CSMD3: variants seen among roughly 807,000 people sequenced by gnomAD.
CSMD3 encodes the protein CUB and sushi domain-containing protein 3.
A neutral mutation model predicts 435.2 loss-of-function variants in CSMD3; 177 were observed. That is an observed-to-expected ratio of 0.41 (90% confidence interval 0.36 to 0.46). The LOEUF is 0.46. CSMD3 is among the 20% of genes least tolerant of loss of function. The probability of loss-of-function intolerance (pLI) is 0.34; values close to 1 mark genes in which losing one functional copy is unlikely to be tolerated. For missense variants in CSMD3, 4,265 were observed against 4,504.6 expected, an observed-to-expected ratio of 0.95 and a Z score of 1.52; for synonymous variants, 1,656 against 1,520.5, an observed-to-expected ratio of 1.09 and a Z score of -2.07.
At chr8:113,039,324 C>T (rs1186935899) in intron 5 of CSMD3, among the ~76,000 whole-genome samples, 1 of 151,926 alleles carries the variant, frequency 6.6e-6, no homozygotes. Context: ...ATTTTAAATG[C>T]TATATAACCT....
chr8:112,476,250 C>G (rs1337285943), intron 31 of CSMD3, among the ~76,000 whole-genome samples: 4 of 152,004 alleles, frequency 2.6e-5, no homozygotes, highest in Admixed American at 1.3e-4. Flanking sequence ...TTTACCATGT[C>G]AGCCAGGCTG....
rs141000924 is a variant in CSMD3 at position 113,373,316 on chromosome 8, T to C, written c.179-58523A>G. Among the ~76,000 whole-genome samples the C allele has an allele frequency of 8.3e-3, 1,263 of 152,282 alleles. 17 individuals are homozygous for C. The highest frequency in any genetic ancestry group is 0.028 in the African/African-American group (1,183 of 41,556). ...AAAAAATAATTTTTCTATTGACTTA[T>C]TTAAAAATAAAATAATTGGTGATGT... On this transcript the variant is annotated intron_variant, in intron 1 of 70. Transcript: ENST00000297405.
intron 32 of CSMD3, among the ~76,000 whole-genome samples, chr8:112,468,817 G>T (rs1473446123): frequency 1.3e-5 from 2 of 152,026 alleles, no homozygotes; most frequent in Admixed American, 1.3e-4. Context: ...AATAAGGAGA[G>T]TAAAATATTA....
intron 27 of CSMD3, among the ~76,000 whole-genome samples, chr8:112,534,467 A>C (rs1324920250): frequency 6.6e-6 from 1 of 152,198 alleles, no homozygotes; most frequent in Admixed American, 6.5e-5. Flanking sequence ...ACACTCTCCC[A>C]AGACTAAACC....
At chr8:112,645,000 C>T in intron 20 of CSMD3, 109 bp downstream of exon 20, 1 of 765,376 alleles carries the variant, frequency 1.3e-6, no homozygotes, top group East Asian at 2.4e-5. Flanking sequence ...TATTGTAGTA[C>T]TGATCTGTTT....
At chr8:113,120,416 G>T (rs745878914) in intron 4 of CSMD3, among the ~76,000 whole-genome samples, 16 of 151,884 alleles carry the variant, frequency 1.1e-4, no homozygotes, top group Non-Finnish European at 2.1e-4. Context: ...TCTAAGCTTA[G>T]TGTCTGTATT....
chr8:112,911,374 C>T (rs998211254), intron 10 of CSMD3, among the ~76,000 whole-genome samples: 1 of 151,750 alleles, frequency 6.6e-6, no homozygotes, highest in Non-Finnish European at 1.5e-5. Context: ...TACCCATCAC[C>T]TCACATACTT....
chr8:113,210,749 G>A (rs942626522), intron 3 of CSMD3, among the ~76,000 whole-genome samples: 1 of 151,704 alleles, frequency 6.6e-6, no homozygotes, highest in African/African-American at 2.4e-5. Flanking sequence ...TGGTAGCAGG[G>A]ACCTGTAATC....
chr8:113,146,283 G>A (rs1439640101), intron 4 of CSMD3, among the ~76,000 whole-genome samples: 2 of 151,376 alleles, frequency 1.3e-5, no homozygotes, highest in Non-Finnish European at 3.0e-5. Flanking sequence ...CATGCTTCAT[G>A]GGGGGTAGGA....
chr8:112,990,556 C>A (rs1312921011), intron 6 of CSMD3, among the ~76,000 whole-genome samples: 2 of 151,560 alleles, frequency 1.3e-5, no homozygotes, highest in South Asian at 2.1e-4. Context: ...AAAACCAGAA[C>A]AATGAATAGG....
intron 59 of CSMD3, among the ~76,000 whole-genome samples, chr8:112,279,953 G>A (rs993853620): frequency 6.6e-6 from 1 of 152,032 alleles, no homozygotes; most frequent in Non-Finnish European, 1.5e-5. Context: ...AACTTTGCAT[G>A]CAATATATTA....
At chr8:113,039,050 A>AT (rs1477037124) in intron 5 of CSMD3, among the ~76,000 whole-genome samples, 1 of 152,084 alleles carries the variant, frequency 6.6e-6, no homozygotes, top group Non-Finnish European at 1.5e-5. Flanking sequence ...TTTAAAGCTG[A>AT]TTTTTATGGT....
chr8:112,314,462 C>G lies in CSMD3; in HGVS notation c.7516G>C (p.Glu2506Gln), dbSNP rs2130836153. Residue 2506 changes from glutamate (E) to glutamine (Q), a missense_variant, in exon 48 of 71, where the codon GAA (glutamate) becomes CAA (glutamine). Glu to Gln is a conservative substitution (Grantham distance 29). Transcript: ENST00000297405. Reference protein sequence around the residue: ...ITMFVEFFQTEKEFDVLQVYD... With the variant: ...ITMFVEFFQTQKEFDVLQVYD... ...ACCTGAAGAACATCAAATTCCTTTT[C>G]TGTCTGGAAGAATTCTACAAACATG... 6.2e-7 allele frequency: 1 copy of G among 1,612,034 alleles called. No individual in the cohort carries two copies. Among genetic ancestry groups the G allele is most frequent in the Non-Finnish European group, 8.5e-7 (1 of 1,178,274 alleles).
At chr8:112,782,509 T>A (rs2078416416) in intron 13 of CSMD3, among the ~76,000 whole-genome samples, 1 of 151,982 alleles carries the variant, frequency 6.6e-6, no homozygotes. Flanking sequence ...GAGAGAAAGA[T>A]CAGGGTAGAA....
At chr8:112,967,733 A>C (rs2084476831) in intron 7 of CSMD3, among the ~76,000 whole-genome samples, 1 of 151,852 alleles carries the variant, frequency 6.6e-6, no homozygotes, top group African/African-American at 2.4e-5. Flanking sequence ...TCCTCACTTG[A>C]ATATAAGTTC....
At chr8:112,474,763 C>T (rs570452293) in intron 31 of CSMD3, among the ~76,000 whole-genome samples, 19 of 152,220 alleles carry the variant, frequency 1.2e-4, no homozygotes, top group South Asian at 8.3e-4. Flanking sequence ...TAGAGCAATA[C>T]AGTATAGTTA....
chr8:112,627,768 G>A (rs548602157), intron 22 of CSMD3, among the ~76,000 whole-genome samples: 3 of 152,202 alleles, frequency 2.0e-5, no homozygotes, highest in African/African-American at 7.2e-5. Flanking sequence ...ATAGGTCAGG[G>A]TCTACTCTGT....
At chr8:112,455,381 G>A (rs1816725711) in intron 32 of CSMD3, among the ~76,000 whole-genome samples, 1 of 152,062 alleles carries the variant, frequency 6.6e-6, no homozygotes, top group Non-Finnish European at 1.5e-5. Flanking sequence ...AATTGGACCT[G>A]AGCAGTGGGT....
chr8:112,502,666 T>C (rs994535195), intron 30 of CSMD3, among the ~76,000 whole-genome samples: 15 of 133,536 alleles, frequency 1.1e-4, no homozygotes, highest in Non-Finnish European at 2.3e-4. Context: ...GTATATGTAA[T>C]ATTTGATTTT....
Sources: allele counts gnomAD v4.1 joint callset (sites outside exome capture counted in the v4.1 genomes callset), GRCh38; gene constraint gnomAD v4.1.1; transcripts MANE v1.5; gene names NCBI Gene and HGNC (gene_info 2026-07-23, HGNC 2026-07-21).